ANKRD22: variants seen among roughly 807,000 people sequenced by gnomAD.
ANKRD22 encodes ankyrin repeat domain-containing protein 22.
A neutral mutation model predicts 25.7 loss-of-function variants in ANKRD22; 24 were observed. That is an observed-to-expected ratio of 0.93 (90% CI 0.68 to 1.31). The LOEUF is 1.31. Ranked by LOEUF, ANKRD22 falls within the 50% of genes most tolerant of loss-of-function variation. The probability of loss-of-function intolerance (pLI) is 0.00; values close to 1 mark genes in which losing one functional copy is unlikely to be tolerated. For missense variants in ANKRD22, 214 were observed against 227.1 expected (o/e 0.94, Z 0.37); for synonymous variants, 84 against 84.3 (o/e 1.00, Z 0.02).
rs1006732697 is a variant in ANKRD22, at chr10:88,847,619, AG to A, written c.21+3967del. The stretch of plus-strand genomic sequence containing the variant: ...TATACCACTGTCCAATTTATCCAAA[AG>A]CTTGACTTTCTGTGTTATAAGTATA... On this transcript the variant is annotated intron_variant, in intron 1 of 5. Coordinates refer to ENST00000371930, the MANE Select transcript of ANKRD22 (RefSeq NM_144590.3). 3.9e-5 allele frequency among the ~76,000 whole-genome samples: 6 copies of A among 151,904 alleles called. No individual in the cohort carries two copies. The South Asian group carries it at 6.2e-4, about 16-fold the overall frequency.
chr10:88,836,936 G>A (rs1017487116), intron 1 of ANKRD22, among the ~76,000 whole-genome samples: 3 of 152,204 alleles, frequency 2.0e-5, no homozygotes, highest in Non-Finnish European at 4.4e-5. Flanking sequence ...TACAGTGATG[G>A]GGCTGAAGGA....
intron 1 of ANKRD22, among the ~76,000 whole-genome samples, chr10:88,846,143 C>A (rs546148506): frequency 6.6e-6 from 1 of 151,878 alleles, no homozygotes; most frequent in Non-Finnish European, 1.5e-5. Context: ...TATGGTCAGA[C>A]ATCTTTTTTT....
At chr10:88,839,749 G>A (rs1843987249) in intron 1 of ANKRD22, among the ~76,000 whole-genome samples, 1 of 152,162 alleles carries the variant, frequency 6.6e-6, no homozygotes, top group African/African-American at 2.4e-5. Context: ...GCTGGGAAGT[G>A]AGGCTAGGAA....
At chr10:88,844,640 CT>C (rs1844031795) in intron 1 of ANKRD22, among the ~76,000 whole-genome samples, 2 of 151,994 alleles carry the variant, frequency 1.3e-5, no homozygotes, top group South Asian at 2.1e-4. Flanking sequence ...TCTAAGGAAT[CT>C]TTATGGTTAA....
rs749753273 is a variant in ANKRD22, at chr10:88,831,922, C to A, written c.126G>T (p.Thr42=). The A allele has an allele frequency of 6.2e-7, 1 of 1,613,892 alleles. No individual in the cohort carries two copies. The highest frequency in any genetic ancestry group is 1.7e-5 in the Admixed American group (1 of 59,982). The change falls in exon 2 of 6, where the codon ACG becomes ACT. Residue 42 remains threonine (T), a synonymous_variant. Transcript: ENST00000371930. ...ANVQDGFNGD[T]PLICACRRGH... The stretch of plus-strand genomic sequence containing the variant: ...CTCGCCTGCAAGCACAGATCAGGGG[C>A]GTGTCTCCATTAAAGCCATCTTGAA...
At chr10:88,845,385 C>T (rs1844038322) in intron 1 of ANKRD22, among the ~76,000 whole-genome samples, 1 of 152,074 alleles carries the variant, frequency 6.6e-6, no homozygotes, top group South Asian at 2.1e-4. Context: ...GCGTTAAATA[C>T]CATGTATATG....
chr10:88,849,930 CT>C (rs1285533834), intron 1 of ANKRD22, among the ~76,000 whole-genome samples: 1 of 151,902 alleles, frequency 6.6e-6, no homozygotes, highest in Non-Finnish European at 1.5e-5. Flanking sequence ...ACTATTAGCA[CT>C]GCAAAGCTCT....
chr10:88,820,473 C>T lies in ANKRD22; in HGVS notation c.*2468G>A, dbSNP rs1340060332. On this transcript the variant is annotated 3_prime_UTR_variant, in exon 6 of 6. Coordinates refer to ENST00000371930, the MANE Select transcript of ANKRD22 (RefSeq NM_144590.3). ...ATGCAGCAGGAGGAGACCAACCTTT[C>T]CCAGGGACGGTGTGAGGCCGTATTG... 5.2e-6 allele frequency: 8 copies of T among 1,551,386 alleles called. No homozygotes were observed. Among genetic ancestry groups the T allele is most frequent in the Non-Finnish European group, 6.1e-6 (7 of 1,146,990 alleles).
intron 1 of ANKRD22, among the ~76,000 whole-genome samples, chr10:88,839,920 TA>T (rs1195318861): frequency 1.3e-5 from 2 of 152,118 alleles, no homozygotes; most frequent in African/African-American, 2.4e-5. Flanking sequence ...TAAGAATCTG[TA>T]AGAATAGGAT....
Position 88,823,032 on chromosome 10 carries a change from A to T in ANKRD22, c.499-14T>A, listed in dbSNP as rs1157214895. The stretch of plus-strand genomic sequence containing the variant: ...GCTCTCACCATGCTGAGGGGGGAAA[A>T]ATATACAGTTATTTCCAATAGAGTG... On this transcript the variant is annotated splice_polypyrimidine_tract_variant and intron_variant, in intron 5 of 5. Transcript: ENST00000371930. 3.7e-6 allele frequency: 6 copies of T among 1,607,740 alleles called. No individual in the cohort carries two copies. The highest frequency in any genetic ancestry group is 5.1e-6 in the Non-Finnish European group (6 of 1,174,492).
intron 2 of ANKRD22, among the ~76,000 whole-genome samples, chr10:88,829,598 A>G (rs528783961): frequency 6.6e-6 from 1 of 152,308 alleles, no homozygotes. Flanking sequence ...GCAATATCAT[A>G]TCTTGCTTTT....
chr10:88,847,341 C>A (rs573119205), intron 1 of ANKRD22, among the ~76,000 whole-genome samples: 2 of 152,256 alleles, frequency 1.3e-5, no homozygotes, highest in South Asian at 4.1e-4. Flanking sequence ...TCACTACAAC[C>A]TCTGCCTCCC....
chr10:88,833,838 C>T (rs1205114985), intron 1 of ANKRD22, among the ~76,000 whole-genome samples: 2 of 152,190 alleles, frequency 1.3e-5, no homozygotes, highest in Non-Finnish European at 2.9e-5. Flanking sequence ...TTCAGTGTCT[C>T]AGCATACTGT....
chr10:88,846,901 A>G (rs1206412379), intron 1 of ANKRD22, among the ~76,000 whole-genome samples: 2 of 152,142 alleles, frequency 1.3e-5, no homozygotes, highest in African/African-American at 4.8e-5. Context: ...AAACTCATCA[A>G]TAAATTTCTC....
chr10:88,838,635 G>A (rs1027405414), intron 1 of ANKRD22, among the ~76,000 whole-genome samples: 2 of 152,122 alleles, frequency 1.3e-5, no homozygotes, highest in Non-Finnish European at 2.9e-5. Flanking sequence ...AGGTCACTGA[G>A]GATGACCCCG....
chr10:88,848,208 A>G (rs1466988473), intron 1 of ANKRD22, among the ~76,000 whole-genome samples: 2 of 147,948 alleles, frequency 1.4e-5, no homozygotes, highest in African/African-American at 2.5e-5. Context: ...ATATACATAT[A>G]TATATACATA....
intron 2 of ANKRD22, among the ~76,000 whole-genome samples, chr10:88,829,204 A>T (rs1199896657): frequency 1.3e-5 from 2 of 152,188 alleles, no homozygotes; most frequent in Admixed American, 6.5e-5. Context: ...GGGTTGTGGG[A>T]GATGTGAACT....
intron 4 of ANKRD22, among the ~76,000 whole-genome samples, chr10:88,824,326 T>A (rs567296480): frequency 7.9e-5 from 12 of 152,326 alleles, no homozygotes; most frequent in African/African-American, 2.9e-4. Flanking sequence ...ATGGTGCTGG[T>A]GAGTGAAGAA....
chr10:88,833,420 A>G (rs1843925249), intron 1 of ANKRD22, among the ~76,000 whole-genome samples: 2 of 152,200 alleles, frequency 1.3e-5, no homozygotes, highest in South Asian at 2.1e-4. Context: ...TTATCCATGT[A>G]AAATGTATCT....
Sources: allele counts gnomAD v4.1 joint callset (sites outside exome capture counted in the v4.1 genomes callset), GRCh38; gene constraint gnomAD v4.1.1; transcripts MANE v1.5; gene names NCBI Gene and HGNC (gene_info 2026-07-23, HGNC 2026-07-21).